EPHA6: variants seen among roughly 807,000 people sequenced by gnomAD.
EPHA6 encodes the protein EPH receptor A6, also known as ephrin type-A receptor 6.
EPHA6 carries 50 observed loss-of-function variants against 112.0 expected under a neutral mutation model. That is an observed-to-expected ratio of 0.45 (90% CI 0.36 to 0.56). The LOEUF (loss-of-function observed/expected upper bound fraction) is 0.56, where lower values mean the gene tolerates loss of function less well. Among genes scored for constraint, EPHA6 ranks in the 20% least tolerant of loss-of-function variants. The pLI is 0.00. For synonymous variants in EPHA6, 529 were observed against 490.7 expected (o/e 1.08, Z -1.03); for missense variants, 1,280 against 1,417.4 (o/e 0.90, Z 1.56).
intron 5 of EPHA6, among the ~76,000 whole-genome samples, chr3:97,319,679 A>C (rs2082011027): frequency 6.6e-6 from 1 of 151,066 alleles, no homozygotes; most frequent in African/African-American, 2.4e-5. Context: ...AAAAAAAAAA[A>C]ACAAAAAACA....
chr3:97,496,281 G>GA (rs899734597), intron 10 of EPHA6, among the ~76,000 whole-genome samples: 20 of 151,520 alleles, frequency 1.3e-4, no homozygotes, highest in East Asian at 3.9e-4. Context: ...AGCCTATCAG[G>GA]AAAAAAAAGT....
chr3:97,117,184 T>G (rs972429775), intron 3 of EPHA6, among the ~76,000 whole-genome samples: 3 of 151,718 alleles, frequency 2.0e-5, no homozygotes, highest in Non-Finnish European at 4.4e-5. Flanking sequence ...TTTGTTTTCT[T>G]ACTATTGAGT....
chr3:97,043,304 G>T (rs763889390), intron 3 of EPHA6, among the ~76,000 whole-genome samples: 1 of 152,072 alleles, frequency 6.6e-6, no homozygotes, highest in Non-Finnish European at 1.5e-5. Context: ...GGGACAGGTA[G>T]TCAGCTGTAT....
chr3:97,737,400 T>A (rs1424178206), intron 16 of EPHA6, among the ~76,000 whole-genome samples: 1 of 151,998 alleles, frequency 6.6e-6, no homozygotes, highest in African/African-American at 2.4e-5. Flanking sequence ...GAAATGGGAA[T>A]GAGGTTGGGG....
intron 14 of EPHA6, among the ~76,000 whole-genome samples, chr3:97,709,769 T>C (rs1005459437): frequency 6.6e-6 from 1 of 152,220 alleles, no homozygotes; most frequent in Admixed American, 6.5e-5. Context: ...GCTTCACTTC[T>C]TGTGATAGTG....
intron 14 of EPHA6, among the ~76,000 whole-genome samples, chr3:97,642,808 G>A (rs560233561): frequency 7.3e-5 from 11 of 151,560 alleles, no homozygotes; most frequent in African/African-American, 2.2e-4. Context: ...CCAAATCTAC[G>A]TCTGATTGGT....
intron 15 of EPHA6, among the ~76,000 whole-genome samples, chr3:97,721,107 G>A (rs1022052884): frequency 6.6e-5 from 10 of 151,970 alleles, no homozygotes; most frequent in African/African-American, 2.4e-4. Context: ...CGAAATTCAG[G>A]CTTTGTCTAC....
At chr3:97,390,354 T>A (rs2086328503) in intron 5 of EPHA6, among the ~76,000 whole-genome samples, 3 of 151,990 alleles carry the variant, frequency 2.0e-5, no homozygotes, top group Admixed American at 2.0e-4. Context: ...CAGCATTCCC[T>A]TCAGTAGCCA....
At chr3:97,070,714 T>C (rs1420636975) in intron 3 of EPHA6, among the ~76,000 whole-genome samples, 4 of 152,148 alleles carry the variant, frequency 2.6e-5, no homozygotes, top group African/African-American at 9.7e-5. Flanking sequence ...TGAGAGCTAG[T>C]GCTCAAAGTT....
At chr3:97,682,556 C>T (rs2031944228) in intron 14 of EPHA6, among the ~76,000 whole-genome samples, 1 of 152,062 alleles carries the variant, frequency 6.6e-6, no homozygotes, top group South Asian at 2.1e-4. Flanking sequence ...CAATTTCCTC[C>T]ATAGACTATG....
intron 3 of EPHA6, among the ~76,000 whole-genome samples, chr3:97,003,074 A>G (rs1336213640): frequency 6.6e-6 from 1 of 151,952 alleles, no homozygotes; most frequent in African/African-American, 2.4e-5. Context: ...AGAAACAATG[A>G]TCATTTGGAC....
chr3:97,508,917 G>A (rs998635596), intron 10 of EPHA6, among the ~76,000 whole-genome samples: 3 of 139,418 alleles, frequency 2.2e-5, no homozygotes, highest in African/African-American at 8.0e-5. Flanking sequence ...TTAATGCCCT[G>A]CTTTGTCTTT....
chr3:97,156,657 A>G (rs986515783), intron 3 of EPHA6, among the ~76,000 whole-genome samples: 2 of 152,214 alleles, frequency 1.3e-5, no homozygotes, highest in Non-Finnish European at 2.9e-5. Context: ...TGGCATTAAC[A>G]TAAATGCTGT....
At chr3:97,296,668 G>A (rs2080884885) in intron 5 of EPHA6, among the ~76,000 whole-genome samples, 1 of 152,178 alleles carries the variant, frequency 6.6e-6, no homozygotes, top group Non-Finnish European at 1.5e-5. Flanking sequence ...TCTTTGGGAT[G>A]AGTGCAAGTG....
At chr3:97,159,973 C>T (rs143959241) in intron 3 of EPHA6, among the ~76,000 whole-genome samples, 441 of 152,260 alleles carry the variant, frequency 2.9e-3, no homozygotes, top group African/African-American at 0.01. Context: ...TAGCTGATCA[C>T]CCTGAGGAAT....
chr3:97,325,328 T>C (rs2082366028), intron 5 of EPHA6, among the ~76,000 whole-genome samples: 1 of 152,132 alleles, frequency 6.6e-6, no homozygotes, highest in South Asian at 2.1e-4. Context: ...TGCCTCACCT[T>C]GGCTTGCAGA....
chr3:96,881,727 C>A (rs555090710), intron 2 of EPHA6, among the ~76,000 whole-genome samples: 2 of 152,198 alleles, frequency 1.3e-5, no homozygotes, highest in African/African-American at 4.8e-5. Context: ...CAAGACAAGG[C>A]AAATTTCTGC....
At chr3:97,657,879 A>G (rs2094146119) in intron 14 of EPHA6, among the ~76,000 whole-genome samples, 1 of 151,776 alleles carries the variant, frequency 6.6e-6, no homozygotes, top group South Asian at 2.1e-4. Context: ...CAGGTTATCT[A>G]AGAGTTCCAT....
chr3:96,937,292 C>T (rs539140789), intron 2 of EPHA6, among the ~76,000 whole-genome samples: 16 of 152,166 alleles, frequency 1.1e-4, no homozygotes, highest in Non-Finnish European at 1.9e-4. Flanking sequence ...TTTTAATGAT[C>T]GCCATTCTAA....
Sources: gnomAD v4.1 joint callset for allele counts (sites outside exome capture counted in the v4.1 genomes callset) on GRCh38, gnomAD v4.1.1 for gene constraint, MANE v1.5 for transcripts, NCBI Gene and HGNC (gene_info 2026-07-23, HGNC 2026-07-21) for gene names.